RAB27A: variants seen among roughly 807,000 people sequenced by gnomAD.
RAB27A encodes ras-related protein Rab-27A.
Under a neutral mutation model 20.8 loss-of-function variants are expected in RAB27A, and 17 were observed. The ratio of observed to expected loss-of-function variants is 0.82; its 90% CI spans 0.56 to 1.23. The LOEUF (loss-of-function observed/expected upper bound fraction) is 1.23, where lower values mean the gene tolerates loss of function less well. Among genes scored for constraint, RAB27A ranks in the 50% most tolerant of loss-of-function variants. RAB27A has a pLI of 0.00. For synonymous variants in RAB27A, 85 were observed against 92.8 expected, an observed-to-expected ratio of 0.92 and a Z score of 0.48; for missense variants, 277 against 266.7, an observed-to-expected ratio of 1.04 and a Z score of -0.27.
At chr15:55,299,833 T>C (rs1413388127) in intron 2 of RAB27A, among the ~76,000 whole-genome samples, 2 of 151,774 alleles carry the variant, frequency 1.3e-5, no homozygotes, top group East Asian at 3.9e-4. Flanking sequence ...TTTCTTTTTT[T>C]TTTTTGAGAT....
intron 2 of RAB27A, among the ~76,000 whole-genome samples, chr15:55,257,956 G>A (rs1185523992): frequency 6.6e-6 from 1 of 151,568 alleles, no homozygotes; most frequent in Non-Finnish European, 1.5e-5. Context: ...TCATGCCACT[G>A]CACTCCAGGC....
chr15:55,273,735 C>G (rs761631709), intron 1 of RAB27A, among the ~76,000 whole-genome samples: 2 of 152,174 alleles, frequency 1.3e-5, no homozygotes, highest in Non-Finnish European at 2.9e-5. Context: ...ATCAAAGCAC[C>G]TAAATATATA....
chr15:55,261,279 C>T (rs979878395), intron 2 of RAB27A, among the ~76,000 whole-genome samples: 6 of 151,710 alleles, frequency 4.0e-5, no homozygotes, highest in African/African-American at 1.5e-4. Context: ...CACCTGTAAT[C>T]CCAGCTACTC....
chr15:55,277,760 C>G (rs1214995591), intron 1 of RAB27A, among the ~76,000 whole-genome samples: 4 of 152,202 alleles, frequency 2.6e-5, no homozygotes, highest in African/African-American at 9.7e-5. Flanking sequence ...AACCATTTGT[C>G]CAACTCAGAA....
intron 2 of RAB27A, among the ~76,000 whole-genome samples, chr15:55,305,804 C>CG (rs2054994195): frequency 6.6e-6 from 1 of 152,182 alleles, no homozygotes; most frequent in Non-Finnish European, 1.5e-5. Context: ...AGGGAATCGG[C>CG]GACCTGTTCC....
intron 6 of RAB27A, among the ~76,000 whole-genome samples, chr15:55,217,920 C>A (rs1160285697): frequency 6.6e-6 from 1 of 152,030 alleles, no homozygotes; most frequent in African/African-American, 2.4e-5. Context: ...AGATTAATCA[C>A]AAATTTTAAA....
chr15:55,312,926 T>C (rs941395758), intron 2 of RAB27A, among the ~76,000 whole-genome samples: 2 of 152,060 alleles, frequency 1.3e-5, no homozygotes, highest in Non-Finnish European at 2.9e-5. Context: ...GAGCAGAAAC[T>C]TACAACTGCT....
intron 2 of RAB27A, 131 bp downstream of exon 2, chr15:55,270,034 G>C (rs1050186672): frequency 6.6e-6 from 1 of 151,852 alleles, no homozygotes; most frequent in Non-Finnish European, 1.5e-5. Context: ...ACATCATTAA[G>C]TCTTTAGTTT....
intron 6 of RAB27A, among the ~76,000 whole-genome samples, chr15:55,209,377 G>A (rs1449135650): frequency 6.6e-6 from 1 of 152,084 alleles, no homozygotes; most frequent in Non-Finnish European, 1.5e-5. Context: ...CCACATATGA[G>A]TAAGAACATG....
chr15:55,295,345 A>G (rs962675636), intron 2 of RAB27A, among the ~76,000 whole-genome samples: 1 of 152,194 alleles, frequency 6.6e-6, no homozygotes, highest in Non-Finnish European at 1.5e-5. Context: ...CTATTCCTAG[A>G]ACTATGCCTA....
At chr15:55,298,698 A>G (rs2054959617) in intron 2 of RAB27A, among the ~76,000 whole-genome samples, 1 of 152,152 alleles carries the variant, frequency 6.6e-6, no homozygotes, top group Non-Finnish European at 1.5e-5. Flanking sequence ...GCGCTATGGG[A>G]GACTGGGGTC....
At chr15:55,248,544 G>A (rs1896773585) in intron 2 of RAB27A, among the ~76,000 whole-genome samples, 2 of 152,128 alleles carry the variant, frequency 1.3e-5, no homozygotes, top group African/African-American at 4.8e-5. Context: ...TGCAAAGTAT[G>A]GGAAAAGAGC....
intron 6 of RAB27A, among the ~76,000 whole-genome samples, chr15:55,223,652 T>A (rs1895679626): frequency 6.6e-6 from 1 of 152,212 alleles, no homozygotes; most frequent in African/African-American, 2.4e-5. Flanking sequence ...AAGTTGTCTC[T>A]CTGCAAATGC....
At chr15:55,230,284 G>T in intron 4 of RAB27A, 117 bp downstream of exon 4, 1 of 924,134 alleles carries the variant, frequency 1.1e-6, no homozygotes, top group Non-Finnish European at 1.8e-6. Flanking sequence ...TAATTTGGCA[G>T]CATTCAAGTG....
chr15:55,223,672 G>C (rs1595687725), intron 6 of RAB27A, among the ~76,000 whole-genome samples: 1 of 152,184 alleles, frequency 6.6e-6, no homozygotes, highest in African/African-American at 2.4e-5. Flanking sequence ...CCAAGAGTTT[G>C]AGAAAATGGG....
intron 6 of RAB27A, among the ~76,000 whole-genome samples, chr15:55,216,803 G>T (rs1481488847): frequency 1.3e-5 from 2 of 152,188 alleles, no homozygotes; most frequent in East Asian, 3.9e-4. Flanking sequence ...AAAGTGCTTT[G>T]TGCCTCCAAA....
upstream of RAB27A, among the ~76,000 whole-genome samples, chr15:55,293,833 C>A (rs1331986145): frequency 3.9e-5 from 6 of 152,072 alleles, no homozygotes; most frequent in Non-Finnish European, 1.5e-5. Context: ...GGGAGAATTG[C>A]TTGAACCCGG....
chr15:55,216,444 A>C (rs1349716138), intron 6 of RAB27A, among the ~76,000 whole-genome samples: 1 of 152,018 alleles, frequency 6.6e-6, no homozygotes, highest in East Asian at 1.9e-4. Flanking sequence ...GAGACGGGAG[A>C]TCTCTTGAAC....
intron 2 of RAB27A, among the ~76,000 whole-genome samples, chr15:55,296,420 C>A (rs777994043): frequency 2.0e-5 from 3 of 151,876 alleles, no homozygotes; most frequent in African/African-American, 7.3e-5. Context: ...CACTTGAACC[C>A]GGGAGGCAGA....
Sources: gnomAD v4.1 joint callset for allele counts (sites outside exome capture counted in the v4.1 genomes callset) on GRCh38, gnomAD v4.1.1 for gene constraint, MANE v1.5 for transcripts, NCBI Gene and HGNC (gene_info 2026-07-23, HGNC 2026-07-21) for gene names.